SLCO1A2: variants seen among roughly 807,000 people sequenced by gnomAD.
The protein encoded by SLCO1A2 is OATP-1.
SLCO1A2 carries 67 observed loss-of-function variants against 69.0 expected under a neutral mutation model. The observed-to-expected ratio is 0.97, with a 90% CI of 0.80 to 1.19. The LOEUF is 1.19. Among genes scored for constraint, SLCO1A2 ranks in the 50% most tolerant of loss-of-function variants. The pLI is 0.00. For synonymous variants in SLCO1A2, 260 were observed against 265.9 expected (o/e 0.98, Z 0.22); for missense variants, 787 against 793.7 (o/e 0.99, Z 0.10).
rs376550525 is a variant in SLCO1A2, at chr12:21,356,425, C to T, written c.-63+17974G>A. On this transcript the variant is annotated intron_variant, in intron 2 of 15. Coordinates refer to the SLCO1A2 transcript ENST00000307378. ...ATATGCTGTGTATGACAGGGACACACTAAATACAAATTTATACCTAAAGAT... is the reference window on the plus strand; with the variant it reads ...ATATGCTGTGTATGACAGGGACACATTAAATACAAATTTATACCTAAAGAT... Among the ~76,000 whole-genome samples, 65 of 151,260 alleles carry T rather than the reference C, an allele frequency of 4.3e-4. 1 individual carries two copies. The South Asian group carries it at 0.013, about 31-fold the overall frequency.
At chr12:21,392,718 G>A (rs1941223539) in intron 1 of SLCO1A2, among the ~76,000 whole-genome samples, 1 of 152,080 alleles carries the variant, frequency 6.6e-6, no homozygotes, top group Non-Finnish European at 1.5e-5. Context: ...TCTTTTACAA[G>A]TTCCCTAGGT....
At chr12:21,359,733 C>T (rs990454208) in intron 2 of SLCO1A2, among the ~76,000 whole-genome samples, 3 of 145,358 alleles carry the variant, frequency 2.1e-5, no homozygotes, top group South Asian at 2.2e-4. Context: ...GGCGACAGAG[C>T]GAGACTCCGT....
At chr12:21,300,261 A>T in intron 8 of SLCO1A2, 87 bp downstream of exon 8, 2 of 929,740 alleles carry the variant, frequency 2.2e-6, no homozygotes, top group Non-Finnish European at 3.2e-6. Context: ...AACACAGCAT[A>T]GCATATCATA....
intron 12 of SLCO1A2, among the ~76,000 whole-genome samples, chr12:21,280,625 T>C (rs1253301380): frequency 6.9e-6 from 1 of 145,818 alleles, no homozygotes; most frequent in Non-Finnish European, 1.5e-5. Flanking sequence ...CCTAATACAA[T>C]AATAGCTGAA....
chr12:21,317,984 A>C (rs1951091495), intron 3 of SLCO1A2, among the ~76,000 whole-genome samples: 1 of 151,934 alleles, frequency 6.6e-6, no homozygotes, highest in African/African-American at 2.4e-5. Context: ...CTATAAAAGC[A>C]GTCTTTTCTT....
chr12:21,397,143 A>G (rs527561229), upstream of SLCO1A2, among the ~76,000 whole-genome samples: 1 of 152,234 alleles, frequency 6.6e-6, no homozygotes, highest in African/African-American at 2.4e-5. Context: ...ACGTGCAGAG[A>G]CACACATAGG....
chr12:21,317,262 C>T (rs947471198), intron 3 of SLCO1A2, among the ~76,000 whole-genome samples: 1 of 152,192 alleles, frequency 6.6e-6, no homozygotes, highest in Non-Finnish European at 1.5e-5. Flanking sequence ...CATTTCTCAC[C>T]CCTGCCCATT....
At chr12:21,335,074 C>T (rs1952836761), upstream of SLCO1A2, among the ~76,000 whole-genome samples, 1 of 152,004 alleles carries the variant, frequency 6.6e-6, no homozygotes, top group Non-Finnish European at 1.5e-5. Context: ...AACACACATA[C>T]TTTGAGTTGT....
chr12:21,307,047 A>AC, intron 4 of SLCO1A2, 59 bp from the exon 5 acceptor site: 2 of 1,189,798 alleles, frequency 1.7e-6, no homozygotes, highest in Non-Finnish European at 2.5e-6. Flanking sequence ...CAATGTGGGC[A>AC]ATGTGCAGAT....
At chr12:21,308,606 G>C (rs1359773599) in intron 4 of SLCO1A2, among the ~76,000 whole-genome samples, 1 of 152,050 alleles carries the variant, frequency 6.6e-6, no homozygotes, top group Non-Finnish European at 1.5e-5. Context: ...AAAAAAATGG[G>C]GGTATTAAGT....
At chr12:21,402,911 TAAAAG>T (rs1941752862) in intron 1 of SLCO1A2, among the ~76,000 whole-genome samples, 1 of 152,176 alleles carries the variant, frequency 6.6e-6, no homozygotes, top group Admixed American at 6.5e-5. Flanking sequence ...TTTTGAATTT[TAAAAG>T]AAAACTCCAG....
intron 1 of SLCO1A2, among the ~76,000 whole-genome samples, chr12:21,407,466 T>A (rs968740432): frequency 6.6e-6 from 1 of 151,910 alleles, no homozygotes; most frequent in Non-Finnish European, 1.5e-5. Context: ...CATAGGAGGG[T>A]GTGAAGCAGA....
At chr12:21,354,396 T>C (rs1177377686) in intron 2 of SLCO1A2, among the ~76,000 whole-genome samples, 1 of 152,212 alleles carries the variant, frequency 6.6e-6, no homozygotes, top group Non-Finnish European at 1.5e-5. Flanking sequence ...GTGATGAAAC[T>C]TCTTAAATTA....
chr12:21,393,188 G>T (rs1382057951), intron 1 of SLCO1A2, among the ~76,000 whole-genome samples: 1 of 152,112 alleles, frequency 6.6e-6, no homozygotes, highest in African/African-American at 2.4e-5. Context: ...TGTATATGCA[G>T]ATAAAGATCA....
intron 12 of SLCO1A2, among the ~76,000 whole-genome samples, chr12:21,279,326 C>T (rs2136152664): frequency 6.6e-6 from 1 of 152,168 alleles, no homozygotes; most frequent in Middle Eastern, 3.4e-3. Flanking sequence ...CTTCCCAAAC[C>T]TAGAGAAAGG....
intron 2 of SLCO1A2, among the ~76,000 whole-genome samples, chr12:21,365,822 A>G (rs1939331313): frequency 6.6e-6 from 1 of 152,254 alleles, no homozygotes; most frequent in African/African-American, 2.4e-5. Flanking sequence ...TGGCCATCAG[A>G]GAAATGCACA....
chr12:21,309,043 C>T (rs1222350661), intron 4 of SLCO1A2, among the ~76,000 whole-genome samples: 1 of 152,030 alleles, frequency 6.6e-6, no homozygotes, highest in East Asian at 1.9e-4. Context: ...ATAGTATGTT[C>T]CTTAAAAAGG....
intron 1 of SLCO1A2, among the ~76,000 whole-genome samples, chr12:21,414,818 T>A (rs1184411349): frequency 6.6e-6 from 1 of 152,230 alleles, no homozygotes; most frequent in East Asian, 1.9e-4. Flanking sequence ...TCTCTCATAT[T>A]ATTAATTTGC....
At chr12:21,394,543 A>C (rs1941327733) in intron 1 of SLCO1A2, among the ~76,000 whole-genome samples, 1 of 136,474 alleles carries the variant, frequency 7.3e-6, no homozygotes, top group Admixed American at 7.7e-5. Context: ...CACTGTCTCA[A>C]AAATAACACA....
Sources: allele counts gnomAD v4.1 joint callset (sites outside exome capture counted in the v4.1 genomes callset), GRCh38; gene constraint gnomAD v4.1.1; transcripts MANE v1.5; gene names NCBI Gene and HGNC (gene_info 2026-07-23, HGNC 2026-07-21).